The following ADAMTSL1 variants were observed in gnomAD, a reference collection of about 807,000 sequenced individuals.
The protein encoded by ADAMTSL1 is ADAMTS like 1.
In ADAMTSL1, 126 loss-of-function variants were observed where a neutral mutation model predicts 201.8. The ratio of observed to expected loss-of-function variants is 0.62; its 90% CI spans 0.54 to 0.72. The LOEUF is 0.72. Ranked by LOEUF, ADAMTSL1 falls within the 30% of genes least tolerant of loss-of-function variation. The probability of loss-of-function intolerance (pLI) is 0.00; values close to 1 mark genes in which losing one functional copy is unlikely to be tolerated. For missense variants in ADAMTSL1, 2,679 were observed against 2,277.8 expected (o/e 1.18, Z -3.59); for synonymous variants, 1,121 against 903.4 (o/e 1.24, Z -4.32).
chr9:18,227,766 G>C (rs935396032), intron 2 of ADAMTSL1, among the ~76,000 whole-genome samples: 12 of 152,056 alleles, frequency 7.9e-5, no homozygotes, highest in African/African-American at 2.9e-4. Flanking sequence ...AACTCCCCTA[G>C]TGCCTCATAT....
chr9:18,615,493 C>A (rs776356334), intron 4 of ADAMTSL1, among the ~76,000 whole-genome samples: 11 of 152,114 alleles, frequency 7.2e-5, no homozygotes, highest in Non-Finnish European at 1.6e-4. Context: ...TTGTTATTAC[C>A]ACTCACTATT....
intron 12 of ADAMTSL1, among the ~76,000 whole-genome samples, chr9:18,683,453 G>A (rs1488739999): frequency 2.0e-5 from 3 of 151,184 alleles, no homozygotes; most frequent in Admixed American, 6.6e-5. Context: ...GGCTGGTCTC[G>A]AACTCCTGAG....
intron 1 of ADAMTSL1, among the ~76,000 whole-genome samples, chr9:18,493,906 C>T (rs1182760561): frequency 1.3e-5 from 2 of 152,202 alleles, no homozygotes; most frequent in African/African-American, 2.4e-5. Context: ...TGGTGTTCTA[C>T]AAGGCACTGC....
chr9:18,426,528 C>T (rs1235223146), intron 2 of ADAMTSL1, among the ~76,000 whole-genome samples: 1 of 152,132 alleles, frequency 6.6e-6, no homozygotes, highest in Admixed American at 6.5e-5. Context: ...CTAATAAGAG[C>T]TACTATTGGT....
intron 9 of ADAMTSL1, among the ~76,000 whole-genome samples, chr9:18,674,658 A>C (rs925036591): frequency 6.6e-6 from 1 of 152,084 alleles, no homozygotes; most frequent in African/African-American, 2.4e-5. Flanking sequence ...TATAAAGATC[A>C]ACATATTTAT....
At chr9:18,247,875 A>G (rs1219816134) in intron 2 of ADAMTSL1, among the ~76,000 whole-genome samples, 3 of 152,162 alleles carry the variant, frequency 2.0e-5, no homozygotes, top group Non-Finnish European at 2.9e-5. Flanking sequence ...CCTGGTATAT[A>G]TATGTATATA....
At chr9:18,213,346 T>C (rs969681783) in intron 2 of ADAMTSL1, among the ~76,000 whole-genome samples, 1 of 152,196 alleles carries the variant, frequency 6.6e-6, no homozygotes, top group African/African-American at 2.4e-5. Flanking sequence ...TTTTCAGGGA[T>C]TGAATTGGTG....
intron 5 of ADAMTSL1, among the ~76,000 whole-genome samples, chr9:18,627,751 G>T (rs1412085740): frequency 1.3e-5 from 2 of 151,984 alleles, no homozygotes; most frequent in Admixed American, 6.5e-5. Context: ...TTAATTTTAA[G>T]GTGACCTGAT....
At chr9:18,019,311 T>C (rs142106085) in intron 1 of ADAMTSL1, among the ~76,000 whole-genome samples, 96 of 152,180 alleles carry the variant, frequency 6.3e-4, no homozygotes, top group Admixed American at 1.6e-3. Context: ...CTTGGTTGTT[T>C]TCAAAATTCT....
At chr9:17,985,091 A>G (rs1297789524) in intron 1 of ADAMTSL1, among the ~76,000 whole-genome samples, 1 of 152,156 alleles carries the variant, frequency 6.6e-6, no homozygotes, top group African/African-American at 2.4e-5. Context: ...TCTTCCAAGT[A>G]CCGTCACTCT....
chr9:18,870,167 G>C (rs1344223468), intron 23 of ADAMTSL1, among the ~76,000 whole-genome samples: 1 of 152,038 alleles, frequency 6.6e-6, no homozygotes, highest in Non-Finnish European at 1.5e-5. Flanking sequence ...ATTTATAATA[G>C]CTGCTTAAAG....
chr9:18,335,037 G>T (rs1360697352), intron 2 of ADAMTSL1, among the ~76,000 whole-genome samples: 1 of 152,030 alleles, frequency 6.6e-6, no homozygotes, highest in Non-Finnish European at 1.5e-5. Context: ...TGATAATTTA[G>T]ATCCCTTAAT....
At chr9:18,142,103 A>G (rs1826424975) in intron 1 of ADAMTSL1, among the ~76,000 whole-genome samples, 1 of 152,162 alleles carries the variant, frequency 6.6e-6, no homozygotes, top group African/African-American at 2.4e-5. Flanking sequence ...GGAATGTTCC[A>G]ATAGCTTTAG....
chr9:18,569,982 C>G (rs1287333482), intron 3 of ADAMTSL1, among the ~76,000 whole-genome samples: 2 of 151,934 alleles, frequency 1.3e-5, no homozygotes, highest in Non-Finnish European at 2.9e-5. Context: ...AGCATCTCTC[C>G]AAAAGCTGAT....
chr9:18,109,089 A>G (rs1824889399), intron 1 of ADAMTSL1, among the ~76,000 whole-genome samples: 1 of 152,208 alleles, frequency 6.6e-6, no homozygotes, highest in African/African-American at 2.4e-5. Flanking sequence ...TCTCAACTGC[A>G]TACATAGACA....
chr9:18,554,018 A>G (rs1241265499), intron 3 of ADAMTSL1, among the ~76,000 whole-genome samples: 2 of 151,730 alleles, frequency 1.3e-5, no homozygotes, highest in African/African-American at 2.4e-5. Context: ...TGCTTTTTAC[A>G]TCTTTGTCTC....
chr9:18,372,949 A>G (rs1837111941), intron 2 of ADAMTSL1, among the ~76,000 whole-genome samples: 1 of 152,224 alleles, frequency 6.6e-6, no homozygotes, highest in South Asian at 2.1e-4. Context: ...GCCACACCAT[A>G]AAGAAGATTC....
intron 1 of ADAMTSL1, among the ~76,000 whole-genome samples, chr9:18,092,014 T>C (rs1023091652): frequency 6.6e-6 from 1 of 152,184 alleles, no homozygotes; most frequent in Non-Finnish European, 1.5e-5. Flanking sequence ...CTAATTGTAA[T>C]TTGATATTTC....
intron 9 of ADAMTSL1, among the ~76,000 whole-genome samples, chr9:18,666,309 T>A (rs1829427324): frequency 6.6e-6 from 1 of 152,066 alleles, no homozygotes; most frequent in African/African-American, 2.4e-5. Context: ...ATAAGGGAAG[T>A]GAAGAGAAAG....
Sources: allele counts gnomAD v4.1 joint callset (sites outside exome capture counted in the v4.1 genomes callset), GRCh38; gene constraint gnomAD v4.1.1; transcripts MANE v1.5; gene names NCBI Gene and HGNC (gene_info 2026-07-23, HGNC 2026-07-21).